The following C1orf52 variants were observed in gnomAD, a reference collection of about 807,000 sequenced individuals.
C1orf52 encodes UPF0690 protein C1orf52.
Under a neutral mutation model 17.2 loss-of-function variants are expected in C1orf52, and 5 were observed. The observed-to-expected ratio is 0.29, with a 90% CI of 0.15 to 0.61. The LOEUF (loss-of-function observed/expected upper bound fraction) is 0.61, where lower values mean the gene tolerates loss of function less well. Ranked by LOEUF, C1orf52 falls within the 20% of genes least tolerant of loss-of-function variation. The pLI is 0.85. For missense variants in C1orf52, 245 were observed against 234.1 expected, an observed-to-expected ratio of 1.05 and a Z score of -0.30; for synonymous variants, 110 against 88.0, an observed-to-expected ratio of 1.25 and a Z score of -1.40.
rs1660035694 is a variant in C1orf52, at chr1:85,259,486, T to G, written c.148A>C (p.Asn50His). 37 of 1,613,858 alleles carry G rather than the reference T, an allele frequency of 2.3e-5. No homozygotes were observed. The highest frequency in any genetic ancestry group is 3.1e-5 in the Non-Finnish European group (36 of 1,179,990). Residue 50 changes from asparagine to histidine, a missense_variant, in exon 1 of 3, where the codon AAC becomes CAC. Asn to His is a moderately conservative substitution (Grantham distance 68, BLOSUM62 1). Coordinates refer to ENST00000471115, the MANE Select transcript of C1orf52 (RefSeq NM_198077.4). Reference sequence around the variant, plus strand: ...CCCGGGAGCCGCTTCTCCGCCTTGTTCCTACAGCCGCCCGCCGACTTCGCC... The same window carrying G: ...CCCGGGAGCCGCTTCTCCGCCTTGTGCCTACAGCCGCCCGCCGACTTCGCC... ...DPAKSAGGCR[N>H]KAEKRLPGPD...
chr1:85,259,069 G>T, intron 1 of C1orf52: 1 of 1,299,860 alleles, frequency 7.7e-7, no homozygotes, highest in Non-Finnish European at 9.9e-7. Context: ...AAGCTGCAGC[G>T]GGGGGGGCGG....
intron 2 of C1orf52, among the ~76,000 whole-genome samples, chr1:85,254,744 A>C (rs1359928126): frequency 6.6e-6 from 1 of 152,232 alleles, no homozygotes; most frequent in Non-Finnish European, 1.5e-5. Flanking sequence ...TGAGATTTTC[A>C]GTAGTGATAA....
At position 85,258,552 on chromosome 1, in the gene C1orf52, T is replaced by G; in HGVS notation, c.447A>C (p.Leu149=). ...APQNAKKARL[L]PEGEETLESD... ...ATTCCAACGTCTCCTCCCCTTCTGGTAGAAGCCTAGCTTTCTTAGCATTCT... is the reference window on the plus strand; with the variant it reads ...ATTCCAACGTCTCCTCCCCTTCTGGGAGAAGCCTAGCTTTCTTAGCATTCT... The change falls in exon 2 of 3, where the codon CTA becomes CTC. Residue 149 remains leucine, a synonymous_variant. Transcript: ENST00000471115. 3.1e-6 allele frequency: 5 copies of G among 1,614,180 alleles called. No homozygotes were observed. Among genetic ancestry groups the G allele is most frequent in the Non-Finnish European group, 4.2e-6 (5 of 1,180,016 alleles).
chr1:85,257,434 C>T (rs1229543444), intron 2 of C1orf52: 1 of 716,986 alleles, frequency 1.4e-6, no homozygotes, highest in Non-Finnish European at 2.6e-6. Context: ...AGGCAGGGAA[C>T]CATACAATTC....
intron 2 of C1orf52, 128 bp from the exon 3 acceptor site, chr1:85,252,830 C>A: frequency 1.4e-5 from 9 of 624,796 alleles, no homozygotes; most frequent in East Asian, 3.0e-5. Context: ...CAGAGTTTCC[C>A]AATAAAAAAC....
intron 2 of C1orf52, among the ~76,000 whole-genome samples, chr1:85,255,245 T>C (rs1183828247): frequency 1.3e-5 from 2 of 152,170 alleles, no homozygotes; most frequent in Non-Finnish European, 2.9e-5. Context: ...CTTACCTACA[T>C]TTTACAACCA....
At chr1:85,259,000 A>C in intron 1 of C1orf52, 1 of 1,336,396 alleles carries the variant, frequency 7.5e-7, no homozygotes, top group African/African-American at 1.5e-5. Context: ...TGCAGCAGAC[A>C]CTGTCTTGGA....
chr1:85,253,390 T>C (rs1384950892), intron 2 of C1orf52, among the ~76,000 whole-genome samples: 1 of 152,178 alleles, frequency 6.6e-6, no homozygotes, highest in Non-Finnish European at 1.5e-5. Context: ...CAACTTCTTC[T>C]GCCCCATCAC....
At chr1:85,253,362 C>T (rs1659849218) in intron 2 of C1orf52, among the ~76,000 whole-genome samples, 4 of 152,066 alleles carry the variant, frequency 2.6e-5, no homozygotes, top group Admixed American at 2.0e-4. Context: ...TTTCAATCTG[C>T]TTTCTCTCCT....
Position 85,250,315 on chromosome 1 carries a change from C to T in C1orf52, c.*2314G>A, listed in dbSNP as rs530769916. 6.6e-6 allele frequency: 1 copy of T among 152,236 alleles called. No individual in the cohort carries two copies. The highest frequency in any genetic ancestry group is 2.4e-5 in the African/African-American group (1 of 41,542). 9.4% of individuals were successfully genotyped at this position (152,236 alleles called of 1,614,324 possible). On this transcript the variant is annotated 3_prime_UTR_variant, in exon 3 of 3. Transcript: ENST00000471115. ...AAGTGCAGGAAACAATCAGAAGTAT[C>T]AAGTGACTCGATTCTCTAAAATGAA...
intron 2 of C1orf52, among the ~76,000 whole-genome samples, chr1:85,256,418 T>A (rs1018375000): frequency 6.6e-6 from 1 of 152,270 alleles, no homozygotes; most frequent in Non-Finnish European, 1.5e-5. Context: ...TTGGACAAGT[T>A]ATGTAAGCTA....
rs1659786944 is a variant in C1orf52, at chr1:85,250,909, A to G, written c.*1720T>C. 6.6e-6 allele frequency: 1 copy of G among 152,248 alleles called. No individual in the cohort carries two copies. The highest frequency in any genetic ancestry group is 2.4e-5 in the African/African-American group (1 of 41,472). 9.4% of individuals were successfully genotyped at this position (152,248 alleles called of 1,614,324 possible). ...TTCATTACAAAGACTACAATCTTAA[A>G]AAAACATATTCTTGCTTTAGCAATT... On this transcript the variant is annotated 3_prime_UTR_variant, in exon 3 of 3. Coordinates refer to ENST00000471115, the MANE Select transcript of C1orf52 (RefSeq NM_198077.4).
At position 85,259,630 on chromosome 1, in the gene C1orf52, C is replaced by T; in HGVS notation, c.4G>A (p.Ala2Thr). ...CTCAGAGGGTCCTTCTCCTCCGCTG[C>T]CATGACGGCTGCGAGCGACAACCCA... The part of the protein sequence containing the change: M[A>T]AEEKDPLSYF... Residue 2 changes from alanine to threonine, a missense_variant, in exon 1 of 3, where the codon GCA becomes ACA. By Grantham distance (58) the Ala-to-Thr change is moderately conservative. Transcript: ENST00000471115. 4 of 1,549,940 alleles carry T rather than the reference C, an allele frequency of 2.6e-6. No individual in the cohort carries two copies. The South Asian group carries it at 3.5e-5, about 14-fold the overall frequency.
At chr1:85,257,615 T>A in intron 2 of C1orf52, 1 of 639,462 alleles carries the variant, frequency 1.6e-6, no homozygotes, top group African/African-American at 1.8e-5. Flanking sequence ...CTAGCTGCAG[T>A]GAAGGATGGT....
chr1:85,259,400 T>C lies in C1orf52; in HGVS notation c.234A>G (p.Lys78=), dbSNP rs1570322072. The C allele has an allele frequency of 1.2e-6, 2 of 1,613,842 alleles. No individual in the cohort carries two copies. The highest frequency in any genetic ancestry group is 4.5e-5 in the East Asian group (2 of 44,856). ...CGACGTGCCTCTCCCAGTCTATCTG[T>C]TTGTTGAGCGGATTGTAGAGAAAGG... is the stretch of plus-strand genomic sequence containing the variant. ...RPAFLYNPLN[K]QIDWERHVVK... The change falls in exon 1 of 3, where the codon AAA becomes AAG. Residue 78 remains lysine (K), a synonymous_variant. Transcript: ENST00000471115.
intron 1 of C1orf52, 102 bp downstream of exon 1, chr1:85,259,256 G>T: frequency 7.1e-7 from 1 of 1,400,244 alleles, no homozygotes; most frequent in Non-Finnish European, 9.7e-7. Flanking sequence ...CCGCGGGGGT[G>T]ACTGCGTGTG....
rs1659779013 is a variant in C1orf52, at chr1:85,250,627, ATAC to A, written c.*1999_*2001del. 6.6e-6 allele frequency: 1 copy of A among 152,208 alleles called. No individual in the cohort carries two copies. Among genetic ancestry groups the A allele is most frequent in the South Asian group, 2.1e-4 (1 of 4,834 alleles). The allele number at this position is 152,208 out of a possible 1,614,324, so 9.4% of individuals were successfully genotyped here. A position where few individuals can be genotyped will look rare whatever the true frequency, so the allele number is the denominator to read the frequency against. ...AGTCCTGTCTTCCTCCTCATACAACATACTCTGCACATCTCCCAGGAAAGAGAG... is the reference window on the plus strand; with the variant it reads ...AGTCCTGTCTTCCTCCTCATACAACATCTGCACATCTCCCAGGAAAGAGAG... On this transcript the variant is annotated 3_prime_UTR_variant, in exon 3 of 3. Coordinates refer to ENST00000471115, the MANE Select transcript of C1orf52 (RefSeq NM_198077.4).
rs1659773173 is a variant in C1orf52, at chr1:85,250,413, T to G, written c.*2216A>C. 6.6e-6 allele frequency: 1 copy of G among 152,206 alleles called. No homozygotes were observed. The highest frequency in any genetic ancestry group is 1.5e-5 in the Non-Finnish European group (1 of 68,052). The allele number at this position is 152,206 out of a possible 1,614,324, so 9.4% of individuals were successfully genotyped here. A position where few individuals can be genotyped will look rare whatever the true frequency, so the allele number is the denominator to read the frequency against. On this transcript the variant is annotated 3_prime_UTR_variant, in exon 3 of 3. Coordinates refer to ENST00000471115, the MANE Select transcript of C1orf52 (RefSeq NM_198077.4). ...TTTTCCCCACTAGGTTTCCACTAGC[T>G]CAACCAAACTTCACCTCAGTACCCA... is the stretch of plus-strand genomic sequence containing the variant.
Position 85,251,896 on chromosome 1 carries a change from G to A in C1orf52, c.*733C>T, listed in dbSNP as rs1659810043. ...TGACTAAATTTTGACTGGTGGACAG[G>A]TGGTTTAATGTGATGATTTTGAGGT... is the stretch of plus-strand genomic sequence containing the variant. On this transcript the variant is annotated 3_prime_UTR_variant, in exon 3 of 3. Transcript: ENST00000471115. 1 of 152,146 alleles carries A rather than the reference G, an allele frequency of 6.6e-6. No individual in the cohort carries two copies. Among genetic ancestry groups the A allele is most frequent in the Admixed American group, 6.5e-5 (1 of 15,278 alleles). The allele number at this position is 152,146 out of a possible 1,614,324, so 9.4% of individuals were successfully genotyped here.
Sources: allele counts gnomAD v4.1 joint callset (sites outside exome capture counted in the v4.1 genomes callset), GRCh38; gene constraint gnomAD v4.1.1; transcripts MANE v1.5; gene names NCBI Gene and HGNC (gene_info 2026-07-23, HGNC 2026-07-21).